FGF14: variants seen among roughly 807,000 people sequenced by gnomAD.
FGF14 encodes fibroblast growth factor 14, also known as fibroblast growth factor homologous factor 4.
Under a neutral mutation model 25.5 loss-of-function variants are expected in FGF14, and 5 were observed. That is an observed-to-expected ratio of 0.20 (90% confidence interval 0.10 to 0.41). The LOEUF is 0.41. Ranked by LOEUF, FGF14 falls within the 10% of genes least tolerant of loss-of-function variation. FGF14 has a pLI of 1.00. For missense variants in FGF14, 222 were observed against 320.1 expected, an observed-to-expected ratio of 0.69 and a Z score of 2.34; for synonymous variants, 138 against 118.3, an observed-to-expected ratio of 1.17 and a Z score of -1.08.
At chr13:102,103,146 G>A (rs1337692230) in intron 1 of FGF14, among the ~76,000 whole-genome samples, 3 of 152,156 alleles carry the variant, frequency 2.0e-5, no homozygotes, top group Non-Finnish European at 4.4e-5. Flanking sequence ...GAAAGAATAA[G>A]TAAAGGTTCC....
intron 3 of FGF14, among the ~76,000 whole-genome samples, chr13:101,749,745 G>A (rs1159195869): frequency 6.6e-6 from 1 of 151,974 alleles, no homozygotes; most frequent in African/African-American, 2.4e-5. Flanking sequence ...TCTTCACATG[G>A]ACTTTGAAAA....
intron 1 of FGF14, among the ~76,000 whole-genome samples, chr13:102,327,207 C>T (rs928678818): frequency 6.6e-6 from 1 of 152,192 alleles, no homozygotes; most frequent in Non-Finnish European, 1.5e-5. Flanking sequence ...TCTTTACTTT[C>T]AGTAACATTA....
chr13:102,225,553 T>C (rs569808978), intron 1 of FGF14, among the ~76,000 whole-genome samples: 14 of 152,326 alleles, frequency 9.2e-5, no homozygotes, highest in African/African-American at 2.9e-4. Context: ...ACTAAACCTA[T>C]GCTGTTAACT....
In FGF14 at chr13:102,228,865, T is replaced by A. The variant is rs552040993; in HGVS notation, c.208+172606A>T. On this transcript the variant is annotated intron_variant, in intron 1 of 4. Coordinates refer to the FGF14 transcript ENST00000376131. ...AAGCTGAATATTAAAATATAAAACCTCCTCTTCCATTGTTAGGTATATTTT... is the reference window on the plus strand; with the variant it reads ...AAGCTGAATATTAAAATATAAAACCACCTCTTCCATTGTTAGGTATATTTT... Among the ~76,000 whole-genome samples the A allele has an allele frequency of 1.3e-5, 2 of 152,282 alleles. 1 individual carries two copies. The highest frequency in any genetic ancestry group is 4.1e-4 in the South Asian group (2 of 4,824).
chr13:102,275,699 G>A (rs1050237950), intron 1 of FGF14, among the ~76,000 whole-genome samples: 1 of 152,096 alleles, frequency 6.6e-6, no homozygotes, highest in African/African-American at 2.4e-5. Flanking sequence ...GTTCTGTCCT[G>A]TGAGTAGTGT....
At chr13:102,062,684 T>C (rs1196618031) in intron 1 of FGF14, among the ~76,000 whole-genome samples, 3 of 152,164 alleles carry the variant, frequency 2.0e-5, no homozygotes, top group African/African-American at 4.8e-5. Flanking sequence ...AGCAGTAGAA[T>C]GCCTGAAGAG....
chr13:101,789,333 C>T (rs1182896138), intron 3 of FGF14, among the ~76,000 whole-genome samples: 4 of 152,070 alleles, frequency 2.6e-5, no homozygotes, highest in Non-Finnish European at 1.5e-5. Flanking sequence ...AACAGGTCAG[C>T]AAGTACCTAA....
At chr13:102,181,373 C>T (rs1594306691) in intron 1 of FGF14, among the ~76,000 whole-genome samples, 3 of 152,068 alleles carry the variant, frequency 2.0e-5, no homozygotes, top group African/African-American at 7.2e-5. Flanking sequence ...ATGGGTTGGA[C>T]CATGTCCCCT....
chr13:101,719,742 C>G lies in FGF14; in HGVS notation c.*3089G>C, dbSNP rs924235880. On this transcript the variant is annotated 3_prime_UTR_variant, in exon 5 of 5. Coordinates refer to ENST00000376143, the MANE Select transcript of FGF14 (RefSeq NM_004115.4). The stretch of plus-strand genomic sequence containing the variant: ...TATTATAGAGACTTGATACAATGGA[C>G]ATATGCACATGGAGGTACAAAACAC... The G allele has an allele frequency of 6.6e-6, 1 of 152,042 alleles. No individual in the cohort carries two copies. Among genetic ancestry groups the G allele is most frequent in the Non-Finnish European group, 1.5e-5 (1 of 67,994 alleles). The allele number at this position is 152,042 out of a possible 1,614,324, so 9.4% of individuals were successfully genotyped here.
intron 3 of FGF14, among the ~76,000 whole-genome samples, chr13:101,818,861 AT>A (rs2041972980): frequency 2.6e-5 from 4 of 152,110 alleles, no homozygotes; most frequent in Admixed American, 6.5e-5. Flanking sequence ...TAGTAATAGG[AT>A]TTCCAGTTTT....
At chr13:102,129,773 A>G (rs1257731737) in intron 1 of FGF14, among the ~76,000 whole-genome samples, 1 of 152,184 alleles carries the variant, frequency 6.6e-6, no homozygotes, top group Non-Finnish European at 1.5e-5. Flanking sequence ...CCAACATGGC[A>G]CATGTATACA....
At chr13:101,742,773 A>C (rs1201287962) in intron 3 of FGF14, among the ~76,000 whole-genome samples, 1 of 152,148 alleles carries the variant, frequency 6.6e-6, no homozygotes, top group African/African-American at 2.4e-5. Flanking sequence ...CCTAAATAAG[A>C]TAGTTACAAA....
chr13:102,248,996 T>G (rs1483942956), intron 1 of FGF14, among the ~76,000 whole-genome samples: 2 of 152,106 alleles, frequency 1.3e-5, no homozygotes, highest in Non-Finnish European at 2.9e-5. Flanking sequence ...GTGCAGGAAG[T>G]AATGTCCTGG....
At chr13:101,806,593 T>C (rs2041219253) in intron 3 of FGF14, among the ~76,000 whole-genome samples, 2 of 152,114 alleles carry the variant, frequency 1.3e-5, no homozygotes, top group African/African-American at 4.8e-5. Flanking sequence ...TGACAAATTA[T>C]ATTTTATGAA....
intron 1 of FGF14, among the ~76,000 whole-genome samples, chr13:102,059,607 T>A (rs528563343): frequency 6.6e-6 from 1 of 152,012 alleles, no homozygotes; most frequent in East Asian, 1.9e-4. Flanking sequence ...TCCCAGCACT[T>A]TGGGAGGCCG....
At chr13:102,064,347 A>G (rs1334039122) in intron 1 of FGF14, among the ~76,000 whole-genome samples, 1 of 152,078 alleles carries the variant, frequency 6.6e-6, no homozygotes, top group Non-Finnish European at 1.5e-5. Context: ...GACAGACATA[A>G]TAGCCTTTAG....
At position 101,756,972 on chromosome 13, in the gene FGF14, A is replaced by G. The variant is rs183894827; in HGVS notation, c.409-30162T>C. Among the ~76,000 whole-genome samples the G allele has an allele frequency of 2.3e-3, 345 of 152,344 alleles. 1 individual carries two copies. Among genetic ancestry groups the G allele is most frequent in the African/African-American group, 8.0e-3 (331 of 41,586 alleles). Reference sequence around the variant, plus strand: ...TTGCAAATTTTGAGTTGAAATTTTAAGTACTACAAAAAAATATTTATTGAG... The same window carrying G: ...TTGCAAATTTTGAGTTGAAATTTTAGGTACTACAAAAAAATATTTATTGAG... On this transcript the variant is annotated intron_variant, in intron 3 of 4. Transcript: ENST00000376143.
chr13:101,967,930 G>A (rs531788717), intron 1 of FGF14, among the ~76,000 whole-genome samples: 16 of 152,318 alleles, frequency 1.1e-4, no homozygotes, highest in African/African-American at 3.6e-4. Context: ...GCTGGTAACA[G>A]AGGTAACATT....
chr13:102,114,394 T>TTCAAAA (rs1162827990), intron 1 of FGF14, among the ~76,000 whole-genome samples: 3 of 152,216 alleles, frequency 2.0e-5, no homozygotes, highest in Non-Finnish European at 2.9e-5. Context: ...TCCTTTCCTG[T>TTCAAAA]GCAGAAGCTT....
Sources: gnomAD v4.1 joint callset for allele counts (sites outside exome capture counted in the v4.1 genomes callset) on GRCh38, gnomAD v4.1.1 for gene constraint, MANE v1.5 for transcripts, NCBI Gene and HGNC (gene_info 2026-07-23, HGNC 2026-07-21) for gene names.